The following SGMS1 variants were observed in gnomAD, a reference collection of about 807,000 sequenced individuals.
SGMS1 encodes the protein sphingomyelin synthase 1.
SGMS1 carries 13 observed loss-of-function variants against 46.2 expected under a neutral mutation model. The ratio of observed to expected loss-of-function variants is 0.28; its 90% confidence interval spans 0.18 to 0.45. SGMS1 has a LOEUF of 0.45. Among genes scored for constraint, SGMS1 ranks in the 20% least tolerant of loss-of-function variants. SGMS1 has a pLI of 1.00. For missense variants in SGMS1, 324 were observed against 519.9 expected (o/e 0.62, Z 3.66); for synonymous variants, 203 against 187.8 (o/e 1.08, Z -0.66).
intron 5 of SGMS1, among the ~76,000 whole-genome samples, chr10:50,452,186 A>G (rs1351880188): frequency 6.6e-6 from 1 of 152,190 alleles, no homozygotes; most frequent in Non-Finnish European, 1.5e-5. Context: ...ATGCTAGACA[A>G]TCAAATGGAC....
chr10:50,527,834 G>A (rs1403750474), intron 2 of SGMS1, among the ~76,000 whole-genome samples: 2 of 152,172 alleles, frequency 1.3e-5, no homozygotes, highest in Non-Finnish European at 2.9e-5. Flanking sequence ...GGAAAGAAGA[G>A]GGCTAAGAAT....
At chr10:50,368,774 T>A (rs184268249) in intron 6 of SGMS1, among the ~76,000 whole-genome samples, 91 of 152,374 alleles carry the variant, frequency 6.0e-4, no homozygotes, top group East Asian at 4.2e-3. Context: ...ATATAAATTA[T>A]GTAAGTTTTC....
chr10:50,505,113 G>A (rs1837695830), intron 3 of SGMS1, among the ~76,000 whole-genome samples: 1 of 152,192 alleles, frequency 6.6e-6, no homozygotes, highest in Non-Finnish European at 1.5e-5. Flanking sequence ...CTACTTGGGA[G>A]GGTGAGGTGG....
intron 2 of SGMS1, among the ~76,000 whole-genome samples, chr10:50,586,207 A>G (rs11006219): frequency 0.14 from 20,867 of 152,264 alleles, 1,723 homozygotes; most frequent in Non-Finnish European, 0.19. Flanking sequence ...TCTACTCTCT[A>G]AAGTTTGGAA....
At chr10:50,547,610 A>G (rs748028857) in intron 2 of SGMS1, among the ~76,000 whole-genome samples, 4 of 152,214 alleles carry the variant, frequency 2.6e-5, no homozygotes, top group Non-Finnish European at 5.9e-5. Context: ...ATTCTACCAG[A>G]TATACAAAGA....
At chr10:50,380,587 C>T (rs1848588249) in intron 6 of SGMS1, among the ~76,000 whole-genome samples, 1 of 152,084 alleles carries the variant, frequency 6.6e-6, no homozygotes, top group Non-Finnish European at 1.5e-5. Context: ...ACAGAAACGT[C>T]CATGCCACTG....
At position 50,503,121 on chromosome 10, in the gene SGMS1, T is replaced by C. The variant is rs114337842; in HGVS notation, c.-498+16710A>G. Among the ~76,000 whole-genome samples, 1,421 of 152,328 alleles carry C rather than the reference T, an allele frequency of 9.3e-3. 26 individuals are homozygous for C. The highest frequency in any genetic ancestry group is 0.033 in the African/African-American group (1,356 of 41,566). ...TTCCTTAAAGACATGTGAACTCTAT[T>C]TGTAATGTCTACAGAAAGCTCAGCC... is the stretch of plus-strand genomic sequence containing the variant. On this transcript the variant is annotated intron_variant, in intron 3 of 10. Transcript: ENST00000361781.
At chr10:50,600,281 C>T (rs1838637586) in intron 1 of SGMS1, among the ~76,000 whole-genome samples, 1 of 152,174 alleles carries the variant, frequency 6.6e-6, no homozygotes. Context: ...AGGGCACTTG[C>T]TTGGGCTTGA....
chr10:50,610,074 C>CAT (rs1838735300), intron 1 of SGMS1, among the ~76,000 whole-genome samples: 1 of 152,130 alleles, frequency 6.6e-6, no homozygotes, highest in Non-Finnish European at 1.5e-5. Flanking sequence ...ATTGTAGCAT[C>CAT]ATACGCACCT....
At chr10:50,510,492 C>G (rs912172472) in intron 3 of SGMS1, among the ~76,000 whole-genome samples, 3 of 152,270 alleles carry the variant, frequency 2.0e-5, no homozygotes, top group South Asian at 2.1e-4. Flanking sequence ...CAGACTCTCA[C>G]CAGCAATGTA....
At chr10:50,376,435 AT>A (rs1222884706) in intron 6 of SGMS1, among the ~76,000 whole-genome samples, 5 of 152,012 alleles carry the variant, frequency 3.3e-5, no homozygotes, top group African/African-American at 7.2e-5. Context: ...ATCAATGAGC[AT>A]TTTTTTTAAA....
chr10:50,322,335 A>C (rs894296693), intron 8 of SGMS1, among the ~76,000 whole-genome samples: 6 of 152,190 alleles, frequency 3.9e-5, no homozygotes, highest in African/African-American at 1.4e-4. Context: ...AACTCATCTG[A>C]TTATGAAAAT....
At chr10:50,624,288 G>A (rs1034429524), upstream of SGMS1, among the ~76,000 whole-genome samples, 9 of 152,276 alleles carry the variant, frequency 5.9e-5, no homozygotes, top group Middle Eastern at 3.4e-3. Flanking sequence ...CGCTAGAGCT[G>A]GTCACAAAGC....
chr10:50,587,961 A>C (rs1483415755), intron 2 of SGMS1, among the ~76,000 whole-genome samples: 1 of 152,112 alleles, frequency 6.6e-6, no homozygotes, highest in Non-Finnish European at 1.5e-5. Flanking sequence ...ACTTCAGTAG[A>C]AAGTTTTTTA....
At chr10:50,431,002 T>A (rs1465073746) in intron 6 of SGMS1, among the ~76,000 whole-genome samples, 1 of 152,152 alleles carries the variant, frequency 6.6e-6, no homozygotes, top group Admixed American at 6.5e-5. Flanking sequence ...GAAGAAATCT[T>A]CTATACAAGG....
Position 50,461,559 on chromosome 10 carries a change from T to C in SGMS1, c.-454-745A>G, listed in dbSNP as rs374188252. Among the ~76,000 whole-genome samples the C allele has an allele frequency of 2.0e-4, 31 of 152,286 alleles. No individual in the cohort carries two copies. In the East Asian group the frequency reaches 2.9e-3, roughly 14 times the overall value. On this transcript the variant is annotated intron_variant, in intron 4 of 10. Transcript: ENST00000361781. ...CTGTGATAATCTATAAGAAGTAGGCTCTCAACCCTTTTCAGGATCATATAA... is the reference window on the plus strand; with the variant it reads ...CTGTGATAATCTATAAGAAGTAGGCCCTCAACCCTTTTCAGGATCATATAA...
At chr10:50,548,809 A>C (rs112446725) in intron 2 of SGMS1, among the ~76,000 whole-genome samples, 1 of 152,096 alleles carries the variant, frequency 6.6e-6, no homozygotes, top group African/African-American at 2.4e-5. Flanking sequence ...AATCTATCCA[A>C]CTGACAAATG....
At chr10:50,492,044 T>C (rs544414007) in intron 3 of SGMS1, among the ~76,000 whole-genome samples, 20 of 152,276 alleles carry the variant, frequency 1.3e-4, no homozygotes, top group African/African-American at 3.9e-4. Context: ...ATTCATCACA[T>C]AAAAAGAACT....
At chr10:50,416,421 C>A (rs544763725) in intron 6 of SGMS1, among the ~76,000 whole-genome samples, 3 of 152,244 alleles carry the variant, frequency 2.0e-5, no homozygotes, top group African/African-American at 7.2e-5. Flanking sequence ...CATCTCAGTG[C>A]CTGATAAAGG....
Sources: allele counts gnomAD v4.1 joint callset (sites outside exome capture counted in the v4.1 genomes callset), GRCh38; gene constraint gnomAD v4.1.1; transcripts MANE v1.5; gene names NCBI Gene and HGNC (gene_info 2026-07-23, HGNC 2026-07-21).